The following SEC24A variants were observed in gnomAD, a reference collection of about 807,000 sequenced individuals.
The protein encoded by SEC24A is protein transport protein Sec24A.
SEC24A carries 93 observed loss-of-function variants against 129.4 expected under a neutral mutation model. The ratio of observed to expected loss-of-function variants is 0.72; its 90% CI spans 0.61 to 0.85. The LOEUF is 0.85. SEC24A is among the 40% of genes least tolerant of loss of function. The pLI, the probability that SEC24A is intolerant of heterozygous loss-of-function variation, is 0.00. For missense variants in SEC24A, 1,264 were observed against 1,307.4 expected, an observed-to-expected ratio of 0.97 and a Z score of 0.51; for synonymous variants, 460 against 467.3, an observed-to-expected ratio of 0.98 and a Z score of 0.20.
In SEC24A at chr5:134,675,159, T is replaced by C. The variant is rs1473426624; in HGVS notation, c.1093T>C (p.Leu365=). The C allele has an allele frequency of 6.2e-7, 1 of 1,613,602 alleles. No homozygotes were observed. The highest frequency in any genetic ancestry group is 1.3e-5 in the African/African-American group (1 of 74,938). The change falls in exon 6 of 23, where the codon TTG becomes CTG. Residue 365 remains leucine (L), a synonymous_variant. Transcript: ENST00000398844. ...QERNMLPSTP[L]KPPVPNLHED... ...AAGAAACATGCTTCCGTCAACACCT[T>C]TGAAGCCTCCAGTTCCAAATTTGCA...
At chr5:134,705,090 A>ATATATATATATATAT in intron 16 of SEC24A, among the ~76,000 whole-genome samples, 1 of 123,308 alleles carries the variant, frequency 8.1e-6, no homozygotes, top group Admixed American at 8.5e-5. Context: ...ATATATATAT[A>ATATATATATATATAT]TTTTTTTTTT....
chr5:134,687,336 T>C (rs893618022), intron 10 of SEC24A, among the ~76,000 whole-genome samples: 5 of 152,252 alleles, frequency 3.3e-5, no homozygotes, highest in Non-Finnish European at 5.9e-5. Flanking sequence ...ACCTAGTTTA[T>C]TTTTTGTTCC....
At chr5:134,701,260 A>G (rs1751999794) in intron 15 of SEC24A, 1 of 152,294 alleles carries the variant, frequency 6.6e-6, no homozygotes, top group Admixed American at 6.5e-5. Context: ...TTTAGTATAC[A>G]TGCTGTCGAA....
At chr5:134,650,813 C>G (rs1264153470) in intron 1 of SEC24A, among the ~76,000 whole-genome samples, 1 of 151,580 alleles carries the variant, frequency 6.6e-6, no homozygotes. Flanking sequence ...TTGCTTTTGT[C>G]TCCCAGGCTG....
At chr5:134,667,665 A>C (rs949171710) in intron 3 of SEC24A, among the ~76,000 whole-genome samples, 11 of 151,098 alleles carry the variant, frequency 7.3e-5, no homozygotes, top group South Asian at 2.1e-4. Context: ...AAAAAAAAAA[A>C]AAACAAAAAA....
Position 134,697,124 on chromosome 5 carries a change from A to G in SEC24A, c.1987-2A>G. 1 of 1,442,178 alleles carries G rather than the reference A, an allele frequency of 6.9e-7. No homozygotes were observed. Among genetic ancestry groups the G allele is most frequent in the East Asian group, 2.3e-5 (1 of 43,592 alleles). The allele number at this position is 1,442,178 out of a possible 1,614,324, so 89.3% of individuals were successfully genotyped here. Reference sequence around the variant, plus strand: ...TGTCTCTTTATAATTTATTATAAATAGGATATACACATGACACCATCCACT... The same window carrying G: ...TGTCTCTTTATAATTTATTATAAATGGGATATACACATGACACCATCCACT... On this transcript the variant is annotated splice_acceptor_variant, in intron 13 of 22. Coordinates refer to ENST00000398844, the MANE Select transcript of SEC24A (RefSeq NM_021982.3). LOFTEE classifies it high-confidence loss of function.
At position 134,721,074 on chromosome 5, in the gene SEC24A, C is replaced by T. The variant is rs766980600; in HGVS notation, c.3047C>T (p.Ser1016Leu). 8 of 1,605,278 alleles carry T rather than the reference C, an allele frequency of 5.0e-6. No homozygotes were observed. The highest frequency in any genetic ancestry group is 1.7e-5 in the Admixed American group (1 of 59,900). Reference sequence around the variant, plus strand: ...GTTCTAGGAGTTCAAAACTATGCATCAATTCCACAGCCTATGGTAAGACTC... The same window carrying T: ...GTTCTAGGAGTTCAAAACTATGCATTAATTCCACAGCCTATGGTAAGACTC... Reference protein sequence around the residue: ...SQVLGVQNYASIPQPMTDLPE... With the variant: ...SQVLGVQNYALIPQPMTDLPE... Residue 1016 changes from serine (S) to leucine (L), a missense_variant, in exon 21 of 23, where the codon TCA (serine) becomes TTA (leucine). Physicochemically the swap from Ser to Leu is moderately radical, Grantham distance 145. Transcript: ENST00000398844.
In SEC24A at chr5:134,692,182, G is replaced by C. The variant is rs565408731; in HGVS notation, c.1724-420G>C. ...TCAAGGAATCCTCCCACATAGCTGG[G>C]ACTATAGGCATGTACCACCATGCCT... is the stretch of plus-strand genomic sequence containing the variant. On this transcript the variant is annotated intron_variant, in intron 11 of 22. Coordinates refer to ENST00000398844, the MANE Select transcript of SEC24A (RefSeq NM_021982.3). Among the ~76,000 whole-genome samples, 24 of 151,594 alleles carry C rather than the reference G, an allele frequency of 1.6e-4. No individual in the cohort carries two copies. The South Asian group carries it at 5.0e-3, about 32-fold the overall frequency.
In SEC24A at chr5:134,667,201, G is replaced by A. The variant is rs957997126; in HGVS notation, c.739+205G>A. 6.5e-4 allele frequency among the ~76,000 whole-genome samples: 99 copies of A among 152,100 alleles called. 2 individuals carry two copies. Among genetic ancestry groups the A allele is most frequent in the Non-Finnish European group, 7.4e-5 (5 of 68,024 alleles). ...GGCTGTGACTACCATTGGGAAAAAA[G>A]CTCTTAGTGTTTTGTTACTTTTTTT... On this transcript the variant is annotated intron_variant, in intron 3 of 22. Transcript: ENST00000398844.
chr5:134,693,966 A>T (rs1318284913), intron 13 of SEC24A, 33 bp downstream of exon 13: 2 of 1,563,484 alleles, frequency 1.3e-6, no homozygotes. Flanking sequence ...GATAAGGTTT[A>T]TGCTGGTGTT....
chr5:134,705,090 A>ATATATATTTTTTT (rs1180461537), intron 16 of SEC24A, among the ~76,000 whole-genome samples: 1 of 123,306 alleles, frequency 8.1e-6, no homozygotes, highest in African/African-American at 3.0e-5. Flanking sequence ...ATATATATAT[A>ATATATATTTTTTT]TTTTTTTTTT....
rs1752733116 is a variant in SEC24A, at chr5:134,725,300, C to G, written c.*206C>G. The G allele has an allele frequency of 2.2e-6, 1 of 446,242 alleles. No homozygotes were observed. Among genetic ancestry groups the G allele is most frequent in the Admixed American group, 4.3e-5 (1 of 23,478 alleles). 27.6% of individuals were successfully genotyped at this position (446,242 alleles called of 1,614,324 possible). A position where few individuals can be genotyped will look rare whatever the true frequency, so the allele number is the denominator to read the frequency against. On this transcript the variant is annotated 3_prime_UTR_variant, in exon 23 of 23. Coordinates refer to ENST00000398844, the MANE Select transcript of SEC24A (RefSeq NM_021982.3). ...CTCTGAAATACTGTATTTTTCAAAT[C>G]AGAATATAGCTACGTATGATTGGAT...
rs1251269439 is a variant in SEC24A, at chr5:134,705,365, G to C, written c.2479G>C (p.Val827Leu). The change falls in exon 17 of 23, where the codon GTA (valine) becomes CTA (leucine). Residue 827 changes from valine to leucine, a missense_variant. By Grantham distance (32) the Val-to-Leu change is conservative. Transcript: ENST00000398844. ...TCGTGTTCATACTTTGTGTTTGCCA[G>C]TAGTTTCGACTCTGAATGATGTCTT... ...RIRVHTLCLP[V>L]VSTLNDVFLG... is the part of the protein sequence containing the mutation. The C allele has an allele frequency of 6.2e-7, 1 of 1,613,606 alleles. No individual in the cohort carries two copies. The highest frequency in any genetic ancestry group is 1.7e-5 in the Admixed American group (1 of 59,902).
Position 134,682,659 on chromosome 5 carries a change from C to T in SEC24A, c.1491+177C>T, listed in dbSNP as rs951608944. Among the ~76,000 whole-genome samples the T allele has an allele frequency of 3.9e-5, 6 of 152,266 alleles. No homozygotes were observed. The East Asian group carries it at 5.8e-4, about 15-fold the overall frequency. On this transcript the variant is annotated intron_variant, in intron 9 of 22. Coordinates refer to ENST00000398844, the MANE Select transcript of SEC24A (RefSeq NM_021982.3). ...GCAGGTTCAAGGCTCACTGCAGCCT[C>T]GACCTCCCGTGCTCAAGTGATCCTC...
chr5:134,696,555 G>T (rs959772937), intron 13 of SEC24A, among the ~76,000 whole-genome samples: 1 of 151,978 alleles, frequency 6.6e-6, no homozygotes, highest in Non-Finnish European at 1.5e-5. Context: ...CTGGAGTGCA[G>T]TGGTGCGATC....
intron 16 of SEC24A, among the ~76,000 whole-genome samples, chr5:134,705,070 T>TTATATATATATA (rs764489420): frequency 1.1e-4 from 14 of 133,330 alleles, no homozygotes; most frequent in African/African-American, 3.9e-4. Flanking sequence ...ATATTTATAT[T>TTATATATATATA]TATATATATA....
intron 2 of SEC24A, among the ~76,000 whole-genome samples, chr5:134,663,345 C>G (rs1750540684): frequency 6.6e-6 from 1 of 152,112 alleles, no homozygotes; most frequent in South Asian, 2.1e-4. Context: ...TAACTGCTGA[C>G]CTCAAGCCAT....
At chr5:134,703,026 A>C (rs556935976) in intron 15 of SEC24A, among the ~76,000 whole-genome samples, 5 of 151,904 alleles carry the variant, frequency 3.3e-5, no homozygotes, top group Non-Finnish European at 5.9e-5. Context: ...CAGCCTCCGA[A>C]AGTGTTGGGA....
chr5:134,671,580 A>G (rs553330734), intron 3 of SEC24A, among the ~76,000 whole-genome samples: 1 of 152,318 alleles, frequency 6.6e-6, no homozygotes, highest in African/African-American at 2.4e-5. Context: ...ATGTAAGGTG[A>G]AAAAAGACTC....
Sources: allele counts gnomAD v4.1 joint callset (sites outside exome capture counted in the v4.1 genomes callset), GRCh38; gene constraint gnomAD v4.1.1; transcripts MANE v1.5; gene names NCBI Gene and HGNC (gene_info 2026-07-23, HGNC 2026-07-21).